The following PODN variants were observed in gnomAD, a reference collection of about 807,000 sequenced individuals.
PODN encodes podocan, also known as podocan proteoglycan.
In PODN, 40 loss-of-function variants were observed where a neutral mutation model predicts 52.7. The observed-to-expected ratio is 0.76, with a 90% confidence interval of 0.59 to 0.99. The LOEUF is 0.99. Ranked by LOEUF, PODN falls within the 50% of genes least tolerant of loss-of-function variation. The pLI, the probability that PODN is intolerant of heterozygous loss-of-function variation, is 0.00. For missense variants in PODN, 720 were observed against 815.1 expected (o/e 0.88, Z 1.42); for synonymous variants, 396 against 377.9 (o/e 1.05, Z -0.56).
intron 5 of PODN, among the ~76,000 whole-genome samples, chr1:53,076,185 T>C (rs1644192133): frequency 6.6e-6 from 1 of 152,158 alleles, no homozygotes. Flanking sequence ...GGTGAACCAG[T>C]GAGGATGTCC....
At chr1:53,079,060 GGGGGGTACT>G in intron 8 of PODN, 38 bp downstream of exon 8, 3 of 1,476,490 alleles carry the variant, frequency 2.0e-6, no homozygotes, top group Non-Finnish European at 2.7e-6. Context: ...TGCCCATGGA[GGGGGGTACT>G]GGCATGGCTG....
intron 1 of PODN, 126 bp from the exon 2 acceptor site, chr1:53,069,675 G>A (rs914585217): frequency 5.1e-6 from 7 of 1,364,604 alleles, no homozygotes; most frequent in African/African-American, 1.5e-5. Flanking sequence ...GGTTGGGCAG[G>A]TGCGGAGGGC....
At chr1:53,069,745 G>A (rs1403458511) in intron 1 of PODN, 56 bp from the exon 2 acceptor site, 15 of 1,516,608 alleles carry the variant, frequency 9.9e-6, no homozygotes, top group Middle Eastern at 2.4e-4. Context: ...CTTTGTGCTC[G>A]GGAGGGCCCC....
intron 1 of PODN, among the ~76,000 whole-genome samples, chr1:53,062,870 G>A (rs1643978463): frequency 6.6e-6 from 1 of 152,250 alleles, no homozygotes; most frequent in Admixed American, 6.5e-5. Flanking sequence ...GGCTTCCCCG[G>A]CCACTGTGCC....
At chr1:53,068,406 A>G (rs1644063857) in intron 1 of PODN, among the ~76,000 whole-genome samples, 1 of 152,206 alleles carries the variant, frequency 6.6e-6, no homozygotes. Flanking sequence ...CACTCAGCTC[A>G]GGAGTGAATG....
intron 1 of PODN, chr1:53,066,694 A>T (rs567984007): frequency 7.9e-5 from 69 of 875,348 alleles, no homozygotes; most frequent in Non-Finnish European, 1.1e-4. Flanking sequence ...TTGCCACTTA[A>T]CAGCTGTTCA....
At chr1:53,079,300 G>A (rs1413312934) in intron 8 of PODN, among the ~76,000 whole-genome samples, 1 of 152,236 alleles carries the variant, frequency 6.6e-6, no homozygotes, top group Non-Finnish European at 1.5e-5. Flanking sequence ...GTGAGGGGCA[G>A]AGTACAGGTG....
At chr1:53,074,818 G>A in intron 4 of PODN, 148 bp downstream of exon 4, 2 of 582,656 alleles carry the variant, frequency 3.4e-6, no homozygotes, top group Admixed American at 2.3e-5. Context: ...CGGGGGTGGG[G>A]GAGACACGGA....
At chr1:53,075,260 C>T (rs774065788) in intron 4 of PODN, among the ~76,000 whole-genome samples, 1 of 152,194 alleles carries the variant, frequency 6.6e-6, no homozygotes, top group Non-Finnish European at 1.5e-5. Flanking sequence ...GACATTTCCC[C>T]TAGACATCCA....
intron 3 of PODN, among the ~76,000 whole-genome samples, chr1:53,074,223 G>A (rs550552489): frequency 6.6e-6 from 1 of 152,366 alleles, no homozygotes; most frequent in African/African-American, 2.4e-5. Context: ...ACCCTGTGTG[G>A]AGCCATTCCT....
chr1:53,072,397 C>T (rs1644132472), intron 3 of PODN, among the ~76,000 whole-genome samples: 1 of 152,188 alleles, frequency 6.6e-6, no homozygotes, highest in Non-Finnish European at 1.5e-5. Context: ...TAGATAGTAT[C>T]AGTTGTGGGA....
intron 1 of PODN, among the ~76,000 whole-genome samples, chr1:53,065,625 ACCTG>A (rs1443816288): frequency 6.6e-6 from 1 of 151,958 alleles, no homozygotes; most frequent in Non-Finnish European, 1.5e-5. Context: ...CCACCCACAA[ACCTG>A]CCTGTGTCAC....
intron 3 of PODN, 103 bp downstream of exon 3, chr1:53,071,731 G>T: frequency 8.4e-7 from 1 of 1,183,596 alleles, no homozygotes; most frequent in South Asian, 1.4e-5. Flanking sequence ...TGCGGATCTT[G>T]GGGTGTGGAT....
intron 5 of PODN, among the ~76,000 whole-genome samples, chr1:53,076,453 G>A (rs527509908): frequency 1.1e-4 from 16 of 152,198 alleles, no homozygotes; most frequent in South Asian, 6.2e-4. Context: ...CACTGTACAC[G>A]GCCCCATCCC....
chr1:53,062,340 GGGGCCGGGGGCTGAGCCC>G, intron 1 of PODN, 32 bp downstream of exon 1: 1 of 1,233,676 alleles, frequency 8.1e-7, no homozygotes, highest in Non-Finnish European at 1.0e-6. Flanking sequence ...GGTGGGCCGA[GGGGCCGGGGGCTGAGCCC>G]GGGCAGCGCA....
intron 1 of PODN, chr1:53,063,605 G>C (rs1259194522): frequency 2.0e-6 from 2 of 983,206 alleles, no homozygotes; most frequent in African/African-American, 3.5e-5. Context: ...GAAAGACCAG[G>C]GGGGACTGCT....
chr1:53,080,054 G>A (rs1254926675), intron 8 of PODN, among the ~76,000 whole-genome samples: 2 of 150,498 alleles, frequency 1.3e-5, no homozygotes, highest in African/African-American at 4.9e-5. Context: ...GGGAGGGTGG[G>A]GTGCTGCCAG....
rs78036662 is a variant in PODN at position 53,062,358 on chromosome 1, C to A, written c.-56+50C>A. 4.0e-3 allele frequency: 4,803 copies of A among 1,205,492 alleles called. 169 individuals carry two copies. In the African/African-American group the frequency reaches 0.07, roughly 18 times the overall value. 74.7% of individuals were successfully genotyped at this position (1,205,492 alleles called of 1,614,324 possible). A position where few individuals can be genotyped will look rare whatever the true frequency, so the allele number is the denominator to read the frequency against. ...GGGCCGAGGGGCCGGGGGCTGAGCCCGGGCAGCGCACTCAGACGTCCCCGC... is the reference window on the plus strand; with the variant it reads ...GGGCCGAGGGGCCGGGGGCTGAGCCAGGGCAGCGCACTCAGACGTCCCCGC... On this transcript the variant is annotated intron_variant, in intron 1 of 10. Coordinates refer to ENST00000312553, the MANE Select transcript of PODN (RefSeq NM_153703.5).
At chr1:53,069,504 T>C (rs1484700136) in intron 1 of PODN, among the ~76,000 whole-genome samples, 2 of 152,154 alleles carry the variant, frequency 1.3e-5, no homozygotes, top group Admixed American at 1.3e-4. Context: ...TAGCAAGGGT[T>C]CAGCACAGTC....
Sources: gnomAD v4.1 joint callset for allele counts (sites outside exome capture counted in the v4.1 genomes callset) on GRCh38, gnomAD v4.1.1 for gene constraint, MANE v1.5 for transcripts, NCBI Gene and HGNC (gene_info 2026-07-23, HGNC 2026-07-21) for gene names.